Variants in PRIM2 observed in about 807,000 individuals in gnomAD.
PRIM2 encodes DNA primase large subunit.
A neutral mutation model predicts 67.3 loss-of-function variants in PRIM2; 39 were observed. The ratio of observed to expected loss-of-function variants is 0.58; its 90% confidence interval spans 0.45 to 0.76. The LOEUF is 0.76. PRIM2 is among the 30% of genes least tolerant of loss of function. PRIM2 has a pLI of 0.00. For synonymous variants in PRIM2, 143 were observed against 198.7 expected (o/e 0.72, Z 2.36); for missense variants, 398 against 598.7 (o/e 0.66, Z 3.50).
At chr6:57,357,493 C>T (rs1445290283) in intron 5 of PRIM2, among the ~76,000 whole-genome samples, 1 of 152,156 alleles carries the variant, frequency 6.6e-6, no homozygotes, top group Non-Finnish European at 1.5e-5. Flanking sequence ...GATACTCTTC[C>T]CTACATTTCG....
At chr6:57,520,836 G>T (rs1277095210) in intron 8 of PRIM2, among the ~76,000 whole-genome samples, 5 of 151,982 alleles carry the variant, frequency 3.3e-5, no homozygotes, top group African/African-American at 1.2e-4. Context: ...GAAGATGAGG[G>T]AAACATAAAA....
the PRIM2 span, among the ~76,000 whole-genome samples, chr6:57,266,531 GGTTA>G: frequency 1.3e-5 from 2 of 152,110 alleles, no homozygotes; most frequent in African/African-American, 4.8e-5. Context: ...CCAAGTTCAA[GGTTA>G]GTTAAACATA....
At chr6:57,461,257 C>T (rs1243709971) in intron 7 of PRIM2, among the ~76,000 whole-genome samples, 1 of 152,160 alleles carries the variant, frequency 6.6e-6, no homozygotes. Context: ...AGCACTGTTA[C>T]TGGCTGTCTT....
intron 7 of PRIM2, among the ~76,000 whole-genome samples, chr6:57,477,681 T>C (rs1200249283): frequency 6.6e-6 from 1 of 152,208 alleles, no homozygotes; most frequent in East Asian, 1.9e-4. Context: ...ATATTTTAGT[T>C]GAAGACTATA....
the PRIM2 span, among the ~76,000 whole-genome samples, chr6:57,265,010 C>G: frequency 6.6e-6 from 1 of 152,086 alleles, no homozygotes; most frequent in African/African-American, 2.4e-5. Context: ...AATAGTAGTA[C>G]ATGTTCTACC....
chr6:57,574,885 G>A (rs1775934170), intron 10 of PRIM2, among the ~76,000 whole-genome samples: 1 of 151,844 alleles, frequency 6.6e-6, no homozygotes, highest in Non-Finnish European at 1.5e-5. Flanking sequence ...ACAATGTCAT[G>A]GCAGTTTCAT....
At chr6:57,233,451 AC>A in the PRIM2 span, among the ~76,000 whole-genome samples, 2 of 152,242 alleles carry the variant, frequency 1.3e-5, no homozygotes, top group African/African-American at 4.8e-5. Context: ...TCTAAAAGTT[AC>A]AACTTGCACT....
At chr6:57,481,256 A>T (rs1773621259) in intron 7 of PRIM2, among the ~76,000 whole-genome samples, 1 of 152,120 alleles carries the variant, frequency 6.6e-6, no homozygotes. Context: ...ACCCTGTTAT[A>T]GTCATAGCAC....
intron 5 of PRIM2, among the ~76,000 whole-genome samples, chr6:57,328,565 A>G (rs568606023): frequency 1.3e-5 from 2 of 152,348 alleles, no homozygotes; most frequent in African/African-American, 2.4e-5. Context: ...CCTGTTCAGC[A>G]TTCGAGGGAC....
chr6:57,298,246 A>G, the PRIM2 span, among the ~76,000 whole-genome samples: 1 of 152,114 alleles, frequency 6.6e-6, no homozygotes, highest in African/African-American at 2.4e-5. Flanking sequence ...CTGTAGTCCC[A>G]GCTACTCGGG....
chr6:57,609,677 T>C (rs1305910496), intron 12 of PRIM2, among the ~76,000 whole-genome samples: 1 of 152,196 alleles, frequency 6.6e-6, no homozygotes, highest in Non-Finnish European at 1.5e-5. Flanking sequence ...TGGTTAGTAA[T>C]TTTCACATTA....
At chr6:57,509,859 T>G (rs1774326395) in intron 8 of PRIM2, among the ~76,000 whole-genome samples, 2 of 149,098 alleles carry the variant, frequency 1.3e-5, no homozygotes, top group South Asian at 4.2e-4. Flanking sequence ...TAAAACATTT[T>G]AAATATATAA....
At chr6:57,224,535 G>A in the PRIM2 span, among the ~76,000 whole-genome samples, 1 of 151,984 alleles carries the variant, frequency 6.6e-6, no homozygotes, top group Admixed American at 6.5e-5. Flanking sequence ...GTTGCACAAC[G>A]ATGTGAATAA....
intron 7 of PRIM2, among the ~76,000 whole-genome samples, chr6:57,401,054 T>C (rs1770689808): frequency 6.6e-6 from 1 of 152,210 alleles, no homozygotes; most frequent in African/African-American, 2.4e-5. Flanking sequence ...GGTTTGAGTC[T>C]TGATGATCTT....
intron 12 of PRIM2, among the ~76,000 whole-genome samples, chr6:57,608,605 C>T (rs1776603611): frequency 6.6e-6 from 1 of 151,624 alleles, no homozygotes; most frequent in Non-Finnish European, 1.5e-5. Flanking sequence ...GCAACTGTAG[C>T]CTCAGCTACT....
At chr6:57,572,276 G>A (rs1364504436) in intron 10 of PRIM2, among the ~76,000 whole-genome samples, 4 of 152,184 alleles carry the variant, frequency 2.6e-5, no homozygotes, top group Non-Finnish European at 5.9e-5. Flanking sequence ...CCAGTTGAAT[G>A]GAATAGTGTT....
upstream of PRIM2, among the ~76,000 whole-genome samples, chr6:57,315,502 G>A (rs1290918748): frequency 6.6e-6 from 1 of 152,156 alleles, no homozygotes; most frequent in Non-Finnish European, 1.5e-5. Context: ...TGGCAACACT[G>A]AGTAGTTTCA....
the PRIM2 span, among the ~76,000 whole-genome samples, chr6:57,229,402 T>C: frequency 6.6e-6 from 1 of 152,222 alleles, no homozygotes; most frequent in Non-Finnish European, 1.5e-5. Context: ...TTCTCTGTTT[T>C]GTTAAAATTT....
upstream of PRIM2, among the ~76,000 whole-genome samples, chr6:57,310,969 C>A (rs1206864746): frequency 6.8e-6 from 1 of 147,422 alleles, no homozygotes; most frequent in Non-Finnish European, 1.5e-5. Context: ...TCCCCACCTC[C>A]CAGACGAAGG....
Sources: gnomAD v4.1 joint callset for allele counts (sites outside exome capture counted in the v4.1 genomes callset) on GRCh38, gnomAD v4.1.1 for gene constraint, MANE v1.5 for transcripts, NCBI Gene and HGNC (gene_info 2026-07-23, HGNC 2026-07-21) for gene names.